Variants in NEBL observed in about 807,000 individuals in gnomAD.
NEBL encodes the protein nebulette.
A neutral mutation model predicts 140.2 loss-of-function variants in NEBL; 122 were observed. The ratio of observed to expected loss-of-function variants is 0.87; its 90% CI spans 0.75 to 1.01. The LOEUF is 1.01. Ranked by LOEUF, NEBL falls within the 50% of genes least tolerant of loss-of-function variation. NEBL has a pLI of 0.00. For synonymous variants in NEBL, 436 were observed against 398.9 expected, an observed-to-expected ratio of 1.09 and a Z score of -1.11; for missense variants, 1,365 against 1,231.3, an observed-to-expected ratio of 1.11 and a Z score of -1.62.
chr10:21,092,403 T>C (rs1470913944), intron 2 of NEBL, among the ~76,000 whole-genome samples: 2 of 152,210 alleles, frequency 1.3e-5, no homozygotes, highest in Non-Finnish European at 2.9e-5. Context: ...CCCTGTTTTT[T>C]ACTATGTTCC....
At chr10:20,810,335 A>G (rs1838014337) in intron 24 of NEBL, among the ~76,000 whole-genome samples, 1 of 152,152 alleles carries the variant, frequency 6.6e-6, no homozygotes, top group African/African-American at 2.4e-5. Flanking sequence ...ATAGGAAACA[A>G]TTGAGAAGTT....
chr10:20,838,176 A>C (rs1286969148), intron 13 of NEBL, among the ~76,000 whole-genome samples: 2 of 152,230 alleles, frequency 1.3e-5, no homozygotes, highest in East Asian at 3.8e-4. Flanking sequence ...TGGGCAAAGT[A>C]AATTGAAAAC....
At position 20,892,401 on chromosome 10, in the gene NEBL, C is replaced by T. The variant is rs76334890; in HGVS notation, c.154-2452G>A. On this transcript the variant is annotated intron_variant, in intron 2 of 27. Coordinates refer to ENST00000377122, the MANE Select transcript of NEBL (RefSeq NM_006393.3). ...AAGGAATAAGCCACCATACTAATGA[C>T]GACAGAATAGAAGGAAAGGAGCCTG... Among the ~76,000 whole-genome samples, 370 of 152,206 alleles carry T rather than the reference C, an allele frequency of 2.4e-3. 9 individuals carry two copies. The East Asian group carries it at 0.053, about 22-fold the overall frequency.
chr10:21,001,278 G>A (rs983197165), intron 3 of NEBL, among the ~76,000 whole-genome samples: 6 of 152,062 alleles, frequency 3.9e-5, no homozygotes, highest in East Asian at 3.9e-4. Flanking sequence ...GAGGAAAATC[G>A]GCAAGTAAAG....
rs545099779 is a variant in NEBL at position 21,078,115 on chromosome 10, G to A, written c.165-57914C>T. On this transcript the variant is annotated intron_variant, in intron 2 of 6. Transcript: ENST00000417816. ...ATGGAAATGCATTCTATGGGGGATC[G>A]AAAATAAAAATAATGGGGAAAGCAA... 1.6e-3 allele frequency among the ~76,000 whole-genome samples: 243 copies of A among 152,220 alleles called. 1 individual carries two copies. The highest frequency in any genetic ancestry group is 5.6e-3 in the African/African-American group (233 of 41,538).
intron 7 of NEBL, among the ~76,000 whole-genome samples, chr10:20,864,940 T>C (rs11012365): frequency 0.031 from 4,761 of 152,256 alleles, 113 homozygotes; most frequent in Middle Eastern, 0.061. Context: ...ACGATAGCTA[T>C]AATGTAAGTT....
chr10:21,057,717 T>C (rs1835092768), intron 2 of NEBL, among the ~76,000 whole-genome samples: 1 of 119,418 alleles, frequency 8.4e-6, no homozygotes, highest in Non-Finnish European at 1.8e-5. Context: ...ACCCAGCTTA[T>C]TTTTGTATTT....
In NEBL at chr10:20,963,069, G is replaced by A. The variant is rs543009532; in HGVS notation, c.250-1290C>T. ...ACACGGAAATCTAGATACTCTCATCGCTTTTAGCTTAAGAATACCTAATTC... is the reference window on the plus strand; with the variant it reads ...ACACGGAAATCTAGATACTCTCATCACTTTTAGCTTAAGAATACCTAATTC... On this transcript the variant is annotated intron_variant, in intron 3 of 6. Coordinates refer to the NEBL transcript ENST00000417816. 4.0e-5 allele frequency among the ~76,000 whole-genome samples: 6 copies of A among 149,006 alleles called. No homozygotes were observed. The South Asian group carries it at 8.5e-4, about 21-fold the overall frequency.
chr10:21,030,169 G>T, intron 2 of NEBL: 1 of 485,110 alleles, frequency 2.1e-6, no homozygotes, highest in South Asian at 1.9e-5. Context: ...AAGATAAGTT[G>T]CAGCATCAGC....
At chr10:20,909,015 T>C (rs1283245765) in intron 4 of NEBL, among the ~76,000 whole-genome samples, 1 of 152,112 alleles carries the variant, frequency 6.6e-6, no homozygotes, top group East Asian at 1.9e-4. Flanking sequence ...TAATTTTTAA[T>C]TTTTTGGGTA....
At chr10:20,852,250 C>T (rs1033477808) in intron 10 of NEBL, among the ~76,000 whole-genome samples, 1 of 152,124 alleles carries the variant, frequency 6.6e-6, no homozygotes, top group African/African-American at 2.4e-5. Flanking sequence ...TTTAAATCAT[C>T]ATGTGGTTTG....
chr10:21,158,234 T>C (rs1214659544), intron 2 of NEBL, among the ~76,000 whole-genome samples: 3 of 152,244 alleles, frequency 2.0e-5, no homozygotes, highest in Non-Finnish European at 4.4e-5. Flanking sequence ...TAGGCTGTAA[T>C]TTCTACAATC....
chr10:20,890,000 A>G (rs770861484), intron 2 of NEBL, 51 bp from the exon 3 acceptor site: 2 of 1,221,244 alleles, frequency 1.6e-6, no homozygotes, highest in South Asian at 2.6e-5. Context: ...AACAATTCTA[A>G]TGGCCTTTTT....
In NEBL at chr10:20,877,964, C is replaced by T. The variant is rs77283698; in HGVS notation, c.480+2830G>A. Reference sequence around the variant, plus strand: ...CCTAAATTCATTCCTTGTGTGTGTCCGTGTCCTTAATTTTCTTGACATGAG... The same window carrying T: ...CCTAAATTCATTCCTTGTGTGTGTCTGTGTCCTTAATTTTCTTGACATGAG... On this transcript the variant is annotated intron_variant, in intron 5 of 27. Coordinates refer to ENST00000377122, the MANE Select transcript of NEBL (RefSeq NM_006393.3). 4.9e-3 allele frequency among the ~76,000 whole-genome samples: 742 copies of T among 152,190 alleles called. 4 individuals are homozygous for T. The highest frequency in any genetic ancestry group is 0.017 in the Middle Eastern group (5 of 294).
chr10:20,931,087 T>C (rs149117657), intron 4 of NEBL, among the ~76,000 whole-genome samples: 72 of 148,554 alleles, frequency 4.8e-4, no homozygotes, highest in African/African-American at 1.6e-3. Context: ...CAGTCATTCA[T>C]AATTTTCTCA....
At chr10:21,215,232 C>G (rs1016661346) in intron 3 of NEBL, among the ~76,000 whole-genome samples, 1 of 152,186 alleles carries the variant, frequency 6.6e-6, no homozygotes, top group Non-Finnish European at 1.5e-5. Flanking sequence ...TTTCTTGAGG[C>G]CAGGAGTTTG....
rs562276603 is a variant in NEBL, at chr10:20,946,694, G to A, written c.357+14978C>T. Among the ~76,000 whole-genome samples the A allele has an allele frequency of 6.6e-5, 10 of 152,160 alleles. No individual in the cohort carries two copies. In the South Asian group the frequency reaches 8.3e-4, roughly 13 times the overall value. ...TGGCCAGGCTGGTCTCAAACACCGC[G>A]CCAGTCCCGTTTTATTATTCTTTAA... On this transcript the variant is annotated intron_variant, in intron 4 of 6. Coordinates refer to the NEBL transcript ENST00000417816.
chr10:21,051,930 G>A (rs1733587288), intron 2 of NEBL, among the ~76,000 whole-genome samples: 1 of 152,092 alleles, frequency 6.6e-6, no homozygotes, highest in South Asian at 2.1e-4. Context: ...CCAGCTACTC[G>A]GGAGGCTGAA....
chr10:21,074,991 G>C (rs1836001100), intron 2 of NEBL, among the ~76,000 whole-genome samples: 1 of 151,356 alleles, frequency 6.6e-6, no homozygotes, highest in African/African-American at 2.4e-5. Flanking sequence ...TTTTAGTAGA[G>C]GTGGGGGTTT....
Sources: gnomAD v4.1 joint callset for allele counts (sites outside exome capture counted in the v4.1 genomes callset) on GRCh38, gnomAD v4.1.1 for gene constraint, MANE v1.5 for transcripts, NCBI Gene and HGNC (gene_info 2026-07-23, HGNC 2026-07-21) for gene names.